The following UNC5D variants were observed in gnomAD, a reference collection of about 807,000 sequenced individuals.
UNC5D encodes unc-5 netrin receptor D, also known as netrin receptor UNC5D.
In UNC5D, 39 loss-of-function variants were observed where a neutral mutation model predicts 105.4. That is an observed-to-expected ratio of 0.37 (90% CI 0.29 to 0.48). UNC5D has a LOEUF of 0.48. Ranked by LOEUF, UNC5D falls within the 20% of genes least tolerant of loss-of-function variation. The probability of loss-of-function intolerance (pLI) is 0.98; values close to 1 mark genes in which losing one functional copy is unlikely to be tolerated. For missense variants in UNC5D, 991 were observed against 1,202.4 expected (o/e 0.82, Z 2.60); for synonymous variants, 452 against 450.4 (o/e 1.00, Z -0.04).
chr8:35,699,936 T>G (rs1370822193), intron 7 of UNC5D, among the ~76,000 whole-genome samples: 1 of 152,230 alleles, frequency 6.6e-6, no homozygotes, highest in East Asian at 1.9e-4. Flanking sequence ...TGAAATAGTT[T>G]TAGGATGTAT....
At chr8:35,778,429 TTC>T (rs1802354654) in intron 16 of UNC5D, among the ~76,000 whole-genome samples, 3 of 152,344 alleles carry the variant, frequency 2.0e-5, no homozygotes, top group Non-Finnish European at 4.4e-5. Context: ...CCATTGTCTT[TTC>T]TCTCTTATGA....
intron 1 of UNC5D, among the ~76,000 whole-genome samples, chr8:35,498,734 T>C (rs1002084561): frequency 3.9e-5 from 6 of 152,080 alleles, no homozygotes; most frequent in Non-Finnish European, 8.8e-5. Context: ...ATGGTGATTG[T>C]GTATAAAGGA....
intron 4 of UNC5D, among the ~76,000 whole-genome samples, chr8:35,637,839 G>A (rs1330163711): frequency 1.3e-5 from 2 of 152,160 alleles, no homozygotes; most frequent in African/African-American, 2.4e-5. Flanking sequence ...CTCAGTCTCT[G>A]ATATTATTCA....
intron 1 of UNC5D, among the ~76,000 whole-genome samples, chr8:35,258,377 AAT>A (rs1442834074): frequency 1.1e-4 from 16 of 152,310 alleles, no homozygotes; most frequent in African/African-American, 3.8e-4. Flanking sequence ...AAACCATAGT[AAT>A]ATGTTATTTT....
chr8:35,494,494 C>T (rs1811422202), intron 1 of UNC5D, among the ~76,000 whole-genome samples: 1 of 151,970 alleles, frequency 6.6e-6, no homozygotes, highest in Admixed American at 6.6e-5. Context: ...TATAAGAATG[C>T]CAAGTAGTAT....
At chr8:35,744,236 G>A (rs1467349773) in intron 11 of UNC5D, among the ~76,000 whole-genome samples, 1 of 152,200 alleles carries the variant, frequency 6.6e-6, no homozygotes, top group African/African-American at 2.4e-5. Flanking sequence ...TGTCCTGTCG[G>A]GAGGTATATT....
At chr8:35,376,872 G>A (rs532147695) in intron 1 of UNC5D, among the ~76,000 whole-genome samples, 2 of 152,188 alleles carry the variant, frequency 1.3e-5, no homozygotes, top group East Asian at 1.9e-4. Context: ...ATCAGTCCAC[G>A]ACTTACCATC....
chr8:35,737,963 G>A (rs1472284660), intron 11 of UNC5D, among the ~76,000 whole-genome samples: 2 of 152,044 alleles, frequency 1.3e-5, no homozygotes, highest in South Asian at 2.1e-4. Flanking sequence ...AAAATTAGCC[G>A]GGTGTGGTGG....
chr8:35,786,931 CAA>C (rs1343965160), intron 16 of UNC5D, among the ~76,000 whole-genome samples: 5 of 152,056 alleles, frequency 3.3e-5, no homozygotes, highest in Non-Finnish European at 5.9e-5. Context: ...GAAAAAAAAT[CAA>C]AAGAGTAATA....
At chr8:35,525,358 C>T (rs1813789597) in intron 1 of UNC5D, 1 of 1,612,064 alleles carries the variant, frequency 6.2e-7, no homozygotes, top group Non-Finnish European at 8.5e-7. Context: ...TCTTCCATGA[C>T]TACGATGTTT....
chr8:35,589,085 C>A (rs1001298617), intron 3 of UNC5D, among the ~76,000 whole-genome samples: 2 of 151,754 alleles, frequency 1.3e-5, no homozygotes, highest in Non-Finnish European at 2.9e-5. Flanking sequence ...GTGTTTAATG[C>A]AGGTGTACTT....
At chr8:35,245,236 A>G (rs892696145) in intron 1 of UNC5D, among the ~76,000 whole-genome samples, 2 of 152,144 alleles carry the variant, frequency 1.3e-5, no homozygotes, top group Non-Finnish European at 2.9e-5. Context: ...TTATAATAAC[A>G]ATTTCCATCA....
In UNC5D at chr8:35,259,919, AT is replaced by A. The variant is rs374927594; in HGVS notation, c.103+24038del. Among the ~76,000 whole-genome samples the A allele has an allele frequency of 4.8e-4, 73 of 151,896 alleles. 1 individual carries two copies. The highest frequency in any genetic ancestry group is 1.7e-3 in the African/African-American group (69 of 41,428). ...CCGCTGTAGCTGGAATTTGATTTTT[AT>A]TTTTTCCTTTTAAAGTCACTGGAGG... On this transcript the variant is annotated intron_variant, in intron 1 of 16. Coordinates refer to ENST00000404895, the MANE Select transcript of UNC5D (RefSeq NM_080872.4).
intron 12 of UNC5D, among the ~76,000 whole-genome samples, chr8:35,749,524 A>C (rs1217950621): frequency 6.6e-6 from 1 of 152,200 alleles, no homozygotes; most frequent in Non-Finnish European, 1.5e-5. Context: ...GTTTCTTTAG[A>C]AGAAGAAAAT....
chr8:35,376,846 T>C (rs1802725631), intron 1 of UNC5D, among the ~76,000 whole-genome samples: 1 of 152,196 alleles, frequency 6.6e-6, no homozygotes, highest in African/African-American at 2.4e-5. Context: ...CCAGGAATGA[T>C]CACTGCTATG....
chr8:35,529,796 A>G (rs1237531926), intron 1 of UNC5D, among the ~76,000 whole-genome samples: 1 of 134,742 alleles, frequency 7.4e-6, no homozygotes, highest in African/African-American at 2.8e-5. Context: ...TAGGTATTTT[A>G]TTCTCTTTGA....
intron 1 of UNC5D, among the ~76,000 whole-genome samples, chr8:35,238,857 GTCTA>G (rs1182596409): frequency 5.9e-5 from 9 of 152,036 alleles, no homozygotes; most frequent in African/African-American, 1.9e-4. Flanking sequence ...ACTTAAATCC[GTCTA>G]TCTGTCTAGC....
At chr8:35,264,366 G>GACATAGAGAATAGA (rs897794923) in intron 1 of UNC5D, among the ~76,000 whole-genome samples, 4 of 152,090 alleles carry the variant, frequency 2.6e-5, no homozygotes, top group Non-Finnish European at 4.4e-5. Flanking sequence ...TATATAATAG[G>GACATAGAGAATAGA]ACATAGAGAA....
intron 1 of UNC5D, among the ~76,000 whole-genome samples, chr8:35,486,416 G>T (rs1432178539): frequency 6.6e-6 from 1 of 151,808 alleles, no homozygotes; most frequent in Non-Finnish European, 1.5e-5. Flanking sequence ...CCCAAGGAAG[G>T]GTTCAGTCTG....
Sources: allele counts gnomAD v4.1 joint callset (sites outside exome capture counted in the v4.1 genomes callset), GRCh38; gene constraint gnomAD v4.1.1; transcripts MANE v1.5; gene names NCBI Gene and HGNC (gene_info 2026-07-23, HGNC 2026-07-21).